The following PPARG variants were observed in gnomAD, a reference collection of about 807,000 sequenced individuals.
PPARG encodes peroxisome proliferator activated receptor gamma.
Under a neutral mutation model 39.2 loss-of-function variants are expected in PPARG, and 17 were observed. The ratio of observed to expected loss-of-function variants is 0.43; its 90% CI spans 0.30 to 0.65. The LOEUF (loss-of-function observed/expected upper bound fraction) is 0.65. PPARG is among the 30% of genes least tolerant of loss of function. PPARG has a pLI of 0.13. For missense variants in PPARG, 406 were observed against 585.9 expected (o/e 0.69, Z 3.17); for synonymous variants, 223 against 215.7 (o/e 1.03, Z -0.30).
intron 4 of PPARG, among the ~76,000 whole-genome samples, chr3:12,381,945 G>T (rs187545835): frequency 6.7e-6 from 1 of 149,862 alleles, no homozygotes; most frequent in South Asian, 2.1e-4. Flanking sequence ...TATTTATTTT[G>T]CTATACCGTG....
chr3:12,374,764 T>C (rs1307234358), intron 2 of PPARG, among the ~76,000 whole-genome samples: 2 of 152,062 alleles, frequency 1.3e-5, no homozygotes, highest in Non-Finnish European at 2.9e-5. Context: ...AAACCATGCT[T>C]TGTAGAGAGG....
At chr3:12,380,087 A>G (rs540523148) in intron 3 of PPARG, among the ~76,000 whole-genome samples, 156 bp downstream of exon 3, 9 of 152,320 alleles carry the variant, frequency 5.9e-5, no homozygotes, top group African/African-American at 1.7e-4. Flanking sequence ...AATATTAGGT[A>G]TCTATGAAAT....
chr3:12,312,985 T>C (rs924428103), intron 2 of PPARG, among the ~76,000 whole-genome samples: 1 of 152,156 alleles, frequency 6.6e-6, no homozygotes, highest in African/African-American at 2.4e-5. Flanking sequence ...TTTCAGAGGC[T>C]CCAGGGGCTC....
intron 6 of PPARG, among the ~76,000 whole-genome samples, chr3:12,415,190 C>T (rs79877613): frequency 0.039 from 5,869 of 152,294 alleles, 301 homozygotes; most frequent in East Asian, 0.29. Flanking sequence ...CGTGCATGCA[C>T]ACTCACACCT....
At chr3:12,342,428 A>G (rs955737520) in intron 2 of PPARG, among the ~76,000 whole-genome samples, 2 of 152,250 alleles carry the variant, frequency 1.3e-5, no homozygotes, top group South Asian at 2.1e-4. Flanking sequence ...CAAACCAACT[A>G]TAAAGAACAT....
chr3:12,401,224 T>A (rs2050457905), intron 5 of PPARG, among the ~76,000 whole-genome samples: 1 of 152,164 alleles, frequency 6.6e-6, no homozygotes, highest in South Asian at 2.1e-4. Flanking sequence ...ACATGAAGGG[T>A]AGAACCTAAG....
At chr3:12,356,174 G>T (rs1280252710) in intron 2 of PPARG, among the ~76,000 whole-genome samples, 1 of 152,178 alleles carries the variant, frequency 6.6e-6, no homozygotes, top group Non-Finnish European at 1.5e-5. Context: ...AGGTGATAAT[G>T]AATTAGACTC....
intron 5 of PPARG, among the ~76,000 whole-genome samples, chr3:12,401,775 T>A (rs762513250): frequency 3.9e-5 from 6 of 152,204 alleles, no homozygotes; most frequent in Non-Finnish European, 8.8e-5. Flanking sequence ...CCTATATAAT[T>A]GGTTGCACTG....
intron 6 of PPARG, 154 bp downstream of exon 6, chr3:12,406,235 A>G (rs1217459068): frequency 8.8e-6 from 7 of 799,516 alleles, no homozygotes; most frequent in Non-Finnish European, 1.3e-5. Flanking sequence ...TCTGAAACGC[A>G]GGAAGTGTTT....
intron 2 of PPARG, among the ~76,000 whole-genome samples, chr3:12,354,515 G>A (rs1674984192): frequency 6.6e-6 from 1 of 152,026 alleles, no homozygotes; most frequent in South Asian, 2.1e-4. Flanking sequence ...GGAGGCCGAG[G>A]CGGGCAGATC....
Position 12,302,050 on chromosome 3 carries a change from C to A in PPARG, c.-82-10330C>A, listed in dbSNP as rs74833298. Among the ~76,000 whole-genome samples, 5,057 of 152,204 alleles carry A rather than the reference C, an allele frequency of 0.033. 352 individuals carry two copies. In the East Asian group the frequency reaches 0.33, roughly 10 times the overall value. ...GTGTTGAAACAGGTAACTAACAATT[C>A]ACAGCAGTATGTGATTAAGGGCTAA... On this transcript the variant is annotated intron_variant, in intron 1 of 7. Transcript: ENST00000651735.
At position 12,406,065 on chromosome 3, in the gene PPARG, A is replaced by G. The variant is rs774987355; in HGVS notation, c.713A>G (p.Lys238Arg). ...AAGGCGAGGGCGATCTTGACAGGAA[A>G]GACAACAGACAAATCAGTTAGTTCT... is the stretch of plus-strand genomic sequence containing the variant. ...KAKARAILTG[K>R]TTDKSPFVIY... Residue 238 changes from lysine to arginine, a missense_variant, in exon 6 of 8, where the codon AAG becomes AGG. Coordinates refer to ENST00000651735, the MANE Select transcript of PPARG (RefSeq NM_138711.6). 6.2e-7 allele frequency: 1 copy of G among 1,614,120 alleles called. No homozygotes were observed.
rs201978569 is a variant in PPARG, at chr3:12,379,844, A to G, written c.133A>G (p.Thr45Ala). Residue 45 changes from threonine to alanine, a missense_variant, in exon 3 of 8, where the codon ACT becomes GCT. Thr to Ala is a moderately conservative substitution (Grantham distance 58, BLOSUM62 0). Coordinates refer to ENST00000651735, the MANE Select transcript of PPARG (RefSeq NM_138711.6). ...TACTGTTGACTTCTCCAGCATTTCT[A>G]CTCCACATTACGAAGACATTCCATT... ...FTTVDFSSIS[T>A]PHYEDIPFTR... 2 of 1,613,798 alleles carry G rather than the reference A, an allele frequency of 1.2e-6. No individual in the cohort carries two copies. The highest frequency in any genetic ancestry group is 2.2e-5 in the East Asian group (1 of 44,862).
chr3:12,428,150 T>C (rs1200263329), intron 7 of PPARG, among the ~76,000 whole-genome samples: 1 of 152,206 alleles, frequency 6.6e-6, no homozygotes, highest in Admixed American at 6.5e-5. Context: ...GGTGGGCAGA[T>C]CTCAAGAGGA....
intron 4 of PPARG, among the ~76,000 whole-genome samples, chr3:12,388,250 A>G (rs139587655): frequency 5.6e-4 from 85 of 152,342 alleles, no homozygotes; most frequent in African/African-American, 1.7e-3. Flanking sequence ...TACATCGGGC[A>G]TATTCTTTAA....
At chr3:12,294,612 C>T (rs956795657) in intron 1 of PPARG, among the ~76,000 whole-genome samples, 2 of 152,184 alleles carry the variant, frequency 1.3e-5, no homozygotes, top group Middle Eastern at 3.4e-3. Flanking sequence ...ATCATACATG[C>T]GGCCAGTCGC....
chr3:12,354,149 T>C (rs2048579585), intron 2 of PPARG, among the ~76,000 whole-genome samples: 1 of 152,198 alleles, frequency 6.6e-6, no homozygotes, highest in African/African-American at 2.4e-5. Flanking sequence ...GGCAACTGTA[T>C]ATTCAGAAAC....
In PPARG at chr3:12,400,254, A is replaced by G. The variant is rs949653011; in HGVS notation, c.530-5628A>G. On this transcript the variant is annotated intron_variant, in intron 5 of 7. Transcript: ENST00000651735. ...TAATTAACCTTAGTAATTAAGTAGC[A>G]TTTGTCTTTAATGCTTCTACAATTA... Among the ~76,000 whole-genome samples the G allele has an allele frequency of 6.2e-4, 94 of 152,212 alleles. 1 individual carries two copies. The highest frequency in any genetic ancestry group is 6.5e-5 in the Admixed American group (1 of 15,280).
chr3:12,307,706 G>T (rs2047110527), intron 1 of PPARG, among the ~76,000 whole-genome samples: 1 of 152,182 alleles, frequency 6.6e-6, no homozygotes. Context: ...GAAAATTAAA[G>T]GGAATTAAGA....
Sources: gnomAD v4.1 joint callset for allele counts (sites outside exome capture counted in the v4.1 genomes callset) on GRCh38, gnomAD v4.1.1 for gene constraint, MANE v1.5 for transcripts, NCBI Gene and HGNC (gene_info 2026-07-23, HGNC 2026-07-21) for gene names.